The following PSMA1 variants were observed in gnomAD, a reference collection of about 807,000 sequenced individuals.
The protein encoded by PSMA1 is proteasome subunit alpha type-1.
Under a neutral mutation model 38.4 loss-of-function variants are expected in PSMA1, and 3 were observed. That is an observed-to-expected ratio of 0.08 (90% CI 0.04 to 0.20). The LOEUF (loss-of-function observed/expected upper bound fraction) is 0.20. PSMA1 is among the 10% of genes least tolerant of loss of function. The pLI is 1.00. For synonymous variants in PSMA1, 101 were observed against 107.1 expected, an observed-to-expected ratio of 0.94 and a Z score of 0.35; for missense variants, 227 against 325.3, an observed-to-expected ratio of 0.70 and a Z score of 2.32.
intron 2 of PSMA1, among the ~76,000 whole-genome samples, chr11:14,535,169 T>TC (rs1382105470): frequency 1.3e-5 from 2 of 151,810 alleles, no homozygotes; most frequent in Non-Finnish European, 2.9e-5. Flanking sequence ...GTTTTTTTTT[T>TC]TTCTGGCAAC....
At chr11:14,562,102 C>T (rs902614822) in intron 2 of PSMA1, among the ~76,000 whole-genome samples, 1 of 152,208 alleles carries the variant, frequency 6.6e-6, no homozygotes, top group African/African-American at 2.4e-5. Flanking sequence ...TGAGCCAATG[C>T]TATGAACATC....
intron 2 of PSMA1, among the ~76,000 whole-genome samples, chr11:14,529,981 T>C (rs370959229): frequency 1.3e-5 from 2 of 152,350 alleles, no homozygotes; most frequent in African/African-American, 2.4e-5. Flanking sequence ...GTTAGCTCCA[T>C]GAAGCGGGGA....
intron 8 of PSMA1, among the ~76,000 whole-genome samples, chr11:14,508,378 C>G (rs2134141336): frequency 6.6e-6 from 1 of 152,042 alleles, no homozygotes; most frequent in African/African-American, 2.4e-5. Flanking sequence ...TAAGGCCAAC[C>G]CTTCCACCTA....
At chr11:14,527,110 C>G (rs565814257) in intron 2 of PSMA1, among the ~76,000 whole-genome samples, 4 of 152,290 alleles carry the variant, frequency 2.6e-5, no homozygotes, top group African/African-American at 9.6e-5. Context: ...AATAAAAACT[C>G]TTCTCAAGGC....
intron 2 of PSMA1, among the ~76,000 whole-genome samples, chr11:14,545,895 T>C (rs1202940615): frequency 1.3e-5 from 2 of 152,180 alleles, no homozygotes; most frequent in East Asian, 1.9e-4. Context: ...AGGTGAAAGA[T>C]AGGGCAGAGA....
intron 1 of PSMA1, among the ~76,000 whole-genome samples, chr11:14,627,789 C>G (rs1234165791): frequency 6.6e-6 from 1 of 152,136 alleles, no homozygotes; most frequent in African/African-American, 2.4e-5. Context: ...TTCATGAACA[C>G]TTTCATTTTT....
chr11:14,505,791 G>A (rs1248238953), intron 9 of PSMA1, among the ~76,000 whole-genome samples: 2 of 152,196 alleles, frequency 1.3e-5, no homozygotes, highest in South Asian at 2.1e-4. Context: ...GATTGCTTAA[G>A]CCCAGGAGTT....
rs1464494285 is a variant in PSMA1 at position 14,632,112 on chromosome 11, CTT to C, written c.-166+11341_-166+11342del. On this transcript the variant is annotated intron_variant, in intron 1 of 10. Coordinates refer to the PSMA1 transcript ENST00000418988. ...TACAGCACACTGATGGGTCTTGACT[CTT>C]TATCCAATTTGCCAGTCTGTGTCTT... is the stretch of plus-strand genomic sequence containing the variant. 2.2e-4 allele frequency among the ~76,000 whole-genome samples: 31 copies of C among 142,196 alleles called. No individual in the cohort carries two copies. The South Asian group carries it at 5.0e-3, about 23-fold the overall frequency. The allele number at this position is 142,196 out of a possible 152,430, so 93.3% of individuals were successfully genotyped here.
At chr11:14,561,805 TAAATTAAACTAAAC>T (rs1852011484) in intron 2 of PSMA1, among the ~76,000 whole-genome samples, 4 of 139,908 alleles carry the variant, frequency 2.9e-5, no homozygotes, top group Non-Finnish European at 6.2e-5. Context: ...TAAACTAAAC[TAAATTAAACTAAAC>T]TAAACTAAAC....
intron 2 of PSMA1, among the ~76,000 whole-genome samples, chr11:14,595,501 C>A (rs1055008657): frequency 2.0e-5 from 3 of 152,168 alleles, no homozygotes; most frequent in Admixed American, 1.3e-4. Flanking sequence ...CTCTGATGAC[C>A]AGTGATGATG....
At chr11:14,569,306 A>T (rs1169540198) in intron 2 of PSMA1, among the ~76,000 whole-genome samples, 1 of 152,176 alleles carries the variant, frequency 6.6e-6, no homozygotes, top group East Asian at 1.9e-4. Context: ...AGCGACGCAG[A>T]AGACGGGTGA....
intron 1 of PSMA1, among the ~76,000 whole-genome samples, chr11:14,634,187 T>A (rs1446153456): frequency 2.6e-5 from 4 of 152,140 alleles, no homozygotes; most frequent in Admixed American, 6.5e-5. Flanking sequence ...CATCCCAAAA[T>A]CATCCCCCCC....
At chr11:14,522,283 A>G (rs1168352469), upstream of PSMA1, among the ~76,000 whole-genome samples, 1 of 152,184 alleles carries the variant, frequency 6.6e-6, no homozygotes, top group Non-Finnish European at 1.5e-5. Context: ...TTAGTGTGCA[A>G]TTCAATTGTT....
chr11:14,509,591 G>C (rs554456197), intron 8 of PSMA1, among the ~76,000 whole-genome samples: 1 of 151,506 alleles, frequency 6.6e-6, no homozygotes, highest in Non-Finnish European at 1.5e-5. Context: ...AATAGAGACA[G>C]GGTTTCATCG....
chr11:14,511,371 C>T (rs1851339799), intron 7 of PSMA1, among the ~76,000 whole-genome samples: 1 of 151,812 alleles, frequency 6.6e-6, no homozygotes, highest in African/African-American at 2.4e-5. Flanking sequence ...AACTACAGAC[C>T]CAATATAGAT....
In PSMA1 at chr11:14,517,630, G is replaced by A. The variant is rs1244529362; in HGVS notation, c.254+12C>T. ...AACAAAAAGGATGTTTATTTTTCATGATTATACTTACCATAACAGTCTAGC... is the reference window on the plus strand; with the variant it reads ...AACAAAAAGGATGTTTATTTTTCATAATTATACTTACCATAACAGTCTAGC... On this transcript the variant is annotated intron_variant, in intron 4 of 9. Transcript: ENST00000396394. 4 of 1,528,708 alleles carry A rather than the reference G, an allele frequency of 2.6e-6. No individual in the cohort carries two copies. The highest frequency in any genetic ancestry group is 2.7e-6 in the Non-Finnish European group (3 of 1,129,830). The allele number at this position is 1,528,708 out of a possible 1,614,324, so 94.7% of individuals were successfully genotyped here.
In PSMA1 at chr11:14,564,344, C is replaced by A. The variant is rs150634260; in HGVS notation, c.22-45303G>T. ...TTTTTCATTCAGCATAATTCTCTGG[C>A]GATTCATCCAGGTTTTGCATGCATT... On this transcript the variant is annotated intron_variant, in intron 2 of 10. Transcript: ENST00000418988. Among the ~76,000 whole-genome samples, 39 of 152,104 alleles carry A rather than the reference C, an allele frequency of 2.6e-4. No homozygotes were observed. The South Asian group carries it at 6.0e-3, about 24-fold the overall frequency.
chr11:14,562,109 C>T (rs1045439806), intron 2 of PSMA1, among the ~76,000 whole-genome samples: 2 of 152,328 alleles, frequency 1.3e-5, no homozygotes, highest in South Asian at 4.1e-4. Flanking sequence ...ATGCTATGAA[C>T]ATCCTCCAGA....
chr11:14,568,746 G>T (rs1852102847), intron 2 of PSMA1, among the ~76,000 whole-genome samples: 1 of 152,184 alleles, frequency 6.6e-6, no homozygotes, highest in Non-Finnish European at 1.5e-5. Context: ...TTAGTGTCTT[G>T]GCTAGTGATA....
Sources: gnomAD v4.1 joint callset for allele counts (sites outside exome capture counted in the v4.1 genomes callset) on GRCh38, gnomAD v4.1.1 for gene constraint, MANE v1.5 for transcripts, NCBI Gene and HGNC (gene_info 2026-07-23, HGNC 2026-07-21) for gene names.